CFTR: variants seen among roughly 807,000 people sequenced by gnomAD.
CFTR encodes CF transmembrane conductance regulator, also known as cystic fibrosis transmembrane conductance regulator.
A neutral mutation model predicts 171.6 loss-of-function variants in CFTR; 181 were observed. The observed-to-expected ratio is 1.05, with a 90% CI of 0.93 to 1.19. The LOEUF (loss-of-function observed/expected upper bound fraction) is 1.19, where lower values mean the gene tolerates loss of function less well. Among genes scored for constraint, CFTR ranks in the 50% most tolerant of loss-of-function variants. CFTR has a pLI of 0.00. For synonymous variants in CFTR, 583 were observed against 608.0 expected (o/e 0.96, Z 0.60); for missense variants, 1,968 against 1,734.7 (o/e 1.13, Z -2.39).
chr7:117,603,882 G>A (rs1033622575), intron 17 of CFTR, 100 bp downstream of exon 17: 11 of 1,293,452 alleles, frequency 8.5e-6, no homozygotes, highest in Non-Finnish European at 1.0e-5. Context: ...TTGCACAGAG[G>A]CATGTGCCCT....
rs770410806 is a variant in CFTR at position 117,603,691 on chromosome 7, T to A, written c.2817T>A (p.His939Gln). The A allele has an allele frequency of 6.2e-7, 1 of 1,614,118 alleles. No individual in the cohort carries two copies. Among genetic ancestry groups the A allele is most frequent in the South Asian group, 1.1e-5 (1 of 91,090 alleles). The stretch of plus-strand genomic sequence containing the variant: ...TCTTCAGAGGTCTACCACTGGTGCA[T>A]ACTCTAATCACAGTGTCGAAAATTT... ...MGFFRGLPLV[H>Q]TLITVSKILH... is the part of the protein sequence containing the mutation. Residue 939 changes from histidine (H) to glutamine (Q), a missense_variant, in exon 17 of 27, where the codon CAT (histidine) becomes CAA (glutamine). By Grantham distance (24) the His-to-Gln change is conservative. Coordinates refer to ENST00000003084, the MANE Select transcript of CFTR (RefSeq NM_000492.4).
At chr7:117,508,822 C>A (rs1242836292) in intron 2 of CFTR, among the ~76,000 whole-genome samples, 1 of 152,202 alleles carries the variant, frequency 6.6e-6, no homozygotes, top group Non-Finnish European at 1.5e-5. Flanking sequence ...GAAATCAATT[C>A]CCTGCACAGT....
intron 2 of CFTR, among the ~76,000 whole-genome samples, chr7:117,507,756 C>T (rs1034791348): frequency 3.9e-5 from 6 of 152,136 alleles, no homozygotes; most frequent in Non-Finnish European, 7.4e-5. Flanking sequence ...GTCTTCAAAT[C>T]TCAGCTGTGT....
At chr7:117,486,466 G>T (rs1176952286) in intron 1 of CFTR, among the ~76,000 whole-genome samples, 1 of 152,130 alleles carries the variant, frequency 6.6e-6, no homozygotes, top group African/African-American at 2.4e-5. Flanking sequence ...TCTAAGGCTG[G>T]TCAAGGAAGG....
intron 18 of CFTR, 92 bp from the exon 19 acceptor site, chr7:117,610,425 CAA>C (rs4148715): frequency 0.015 from 13,735 of 929,348 alleles, no homozygotes; most frequent in African/African-American, 0.023. Context: ...TTAAAGTATG[CAA>C]AAAAAAAAAA....
chr7:117,650,592 C>A (rs1793074570), intron 23 of CFTR, among the ~76,000 whole-genome samples: 1 of 152,104 alleles, frequency 6.6e-6, no homozygotes, highest in Non-Finnish European at 1.5e-5. Context: ...CTACCATCCT[C>A]CCGCAGTCCT....
chr7:117,644,137 C>T (rs1412560190), intron 23 of CFTR, among the ~76,000 whole-genome samples: 3 of 151,910 alleles, frequency 2.0e-5, no homozygotes, highest in Admixed American at 6.6e-5. Context: ...TCAGAGATTC[C>T]TTCAGAAATG....
At chr7:117,578,443 C>T (rs1259040015) in intron 11 of CFTR, among the ~76,000 whole-genome samples, 4 of 151,932 alleles carry the variant, frequency 2.6e-5, no homozygotes, top group African/African-American at 9.7e-5. Context: ...TAATTGACTG[C>T]TTATGTTATC....
chr7:117,544,011 T>C (rs1799098806), intron 9 of CFTR, among the ~76,000 whole-genome samples: 1 of 152,188 alleles, frequency 6.6e-6, no homozygotes, highest in African/African-American at 2.4e-5. Flanking sequence ...CTTCCAACTG[T>C]TTGAGTCTTT....
intron 23 of CFTR, among the ~76,000 whole-genome samples, chr7:117,649,493 GTGTGTATATA>G (rs1793053080): frequency 8.1e-6 from 1 of 123,696 alleles, no homozygotes; most frequent in Non-Finnish European, 1.6e-5. Context: ...TAGTGTGTGT[GTGTGTATATA>G]TATATATATA....
chr7:117,480,101 A>T lies in CFTR; in HGVS notation c.7A>T (p.Arg3Trp), dbSNP rs2116604544. MQ[R>W]SPLEKASVVS... Reference sequence around the variant, plus strand: ...CCCCAGCGCCCGAGAGACCATGCAGAGGTCGCCTCTGGAAAAGGCCAGCGT... The same window carrying T: ...CCCCAGCGCCCGAGAGACCATGCAGTGGTCGCCTCTGGAAAAGGCCAGCGT... The change falls in exon 1 of 27, where the codon AGG becomes TGG. Residue 3 changes from arginine (R) to tryptophan (W), a missense_variant. Arg to Trp is a moderately radical substitution (Grantham distance 101). Coordinates refer to ENST00000003084, the MANE Select transcript of CFTR (RefSeq NM_000492.4). 4 of 1,613,918 alleles carry T rather than the reference A, an allele frequency of 2.5e-6. No homozygotes were observed. The highest frequency in any genetic ancestry group is 3.4e-6 in the Non-Finnish European group (4 of 1,179,904).
At chr7:117,652,076 A>G (rs919050990) in intron 23 of CFTR, among the ~76,000 whole-genome samples, 6 of 152,194 alleles carry the variant, frequency 3.9e-5, no homozygotes, top group African/African-American at 1.4e-4. Flanking sequence ...GCATTCCCCA[A>G]TGAGACAGTG....
intron 22 of CFTR, among the ~76,000 whole-genome samples, chr7:117,629,124 G>T (rs1459046679): frequency 6.6e-6 from 1 of 152,086 alleles, no homozygotes; most frequent in African/African-American, 2.4e-5. Context: ...TAGAGATGTA[G>T]CAAAATGAGA....
At chr7:117,531,594 C>T (rs1798867766) in intron 4 of CFTR, among the ~76,000 whole-genome samples, 1 of 152,110 alleles carries the variant, frequency 6.6e-6, no homozygotes, top group African/African-American at 2.4e-5. Context: ...GGATTTTTAT[C>T]ATCCTATGAG....
chr7:117,565,104 C>T lies in CFTR; in HGVS notation c.1584+5449C>T, dbSNP rs535061276. 2.6e-5 allele frequency among the ~76,000 whole-genome samples: 4 copies of T among 152,270 alleles called. No homozygotes were observed. The Middle Eastern group carries it at 0.01, about 388-fold the overall frequency. ...GCAAAGTGACACTTATTTTAAAATA[C>T]TATTACGTATCCCTGTGCCCATTAA... On this transcript the variant is annotated intron_variant, in intron 11 of 26. Transcript: ENST00000003084.
intron 11 of CFTR, among the ~76,000 whole-genome samples, chr7:117,577,089 T>G (rs974598540): frequency 2.0e-5 from 3 of 152,154 alleles, no homozygotes; most frequent in African/African-American, 7.2e-5. Flanking sequence ...ATTAAATTTT[T>G]ATTGATCTTG....
Position 117,481,006 on chromosome 7 carries a change from CTT to C in CFTR, c.53+860_53+861del, listed in dbSNP as rs992645953. ...AATGAATGAATAGGTACTGCTCTCT[CTT>C]GGGACATTACTTGACACATAATTAC... On this transcript the variant is annotated intron_variant, in intron 1 of 26. Transcript: ENST00000003084. 5.4e-4 allele frequency among the ~76,000 whole-genome samples: 83 copies of C among 152,314 alleles called. 1 individual carries two copies. Among genetic ancestry groups the C allele is most frequent in the African/African-American group, 1.8e-3 (74 of 41,568 alleles).
Position 117,627,694 on chromosome 7 carries a change from A to G in CFTR, c.3641A>G (p.Asp1214Gly). 6.2e-7 allele frequency: 1 copy of G among 1,613,342 alleles called. No homozygotes were observed. The highest frequency in any genetic ancestry group is 1.3e-5 in the African/African-American group (1 of 74,996). The change falls in exon 22 of 27, where the codon GAT becomes GGT. Residue 1214 changes from aspartate (D) to glycine (G), a missense_variant. Physicochemically the swap from Asp to Gly is moderately conservative, Grantham distance 94 (BLOSUM62 -1). Transcript: ENST00000003084. ...TCAGGGGGCCAAATGACTGTCAAAG[A>G]TCTCACAGCAAAATACACAGAAGGT... ...WPSGGQMTVKDLTAKYTEGGN... is the reference protein window; with the variant it reads ...WPSGGQMTVKGLTAKYTEGGN...
Position 117,664,693 on chromosome 7 carries a change from GCT to G in CFTR, c.3971_3972del (p.Leu1324GlnfsTer12). 1 of 1,613,810 alleles carries G rather than the reference GCT, an allele frequency of 6.2e-7. No individual in the cohort carries two copies. The highest frequency in any genetic ancestry group is 8.5e-7 in the Non-Finnish European group (1 of 1,179,786). Reference protein sequence around the residue: ...EIWKVADEVGLRSVIEQFPGK... With the variant: ...EIWKVADEVGXRSVIEQFPGK... ...ACTATCTTCTCTAACTGCAGGTTGG[GCT>G]CAGATCTGTGATAGAACAGTTTCCT... On this transcript the variant is annotated frameshift_variant, in exon 25 of 27. Transcript: ENST00000003084. LOFTEE classifies it high-confidence loss of function.
Sources: allele counts gnomAD v4.1 joint callset (sites outside exome capture counted in the v4.1 genomes callset), GRCh38; gene constraint gnomAD v4.1.1; transcripts MANE v1.5; gene names NCBI Gene and HGNC (gene_info 2026-07-23, HGNC 2026-07-21).